THSD4: variants seen among roughly 807,000 people sequenced by gnomAD.
The protein encoded by THSD4 is thrombospondin type 1 domain containing 4.
A neutral mutation model predicts 119.0 loss-of-function variants in THSD4; 69 were observed. The ratio of observed to expected loss-of-function variants is 0.58; its 90% CI spans 0.48 to 0.71. THSD4 has a LOEUF of 0.71. THSD4 is among the 30% of genes least tolerant of loss of function. The pLI, the probability that THSD4 is intolerant of heterozygous loss-of-function variation, is 0.00. For synonymous variants in THSD4, 524 were observed against 540.4 expected (o/e 0.97, Z 0.42); for missense variants, 1,393 against 1,391.1 (o/e 1.00, Z -0.02).
At chr15:71,271,766 ACTATT>A (rs2044533055) in intron 6 of THSD4, among the ~76,000 whole-genome samples, 1 of 152,188 alleles carries the variant, frequency 6.6e-6, no homozygotes, top group Non-Finnish European at 1.5e-5. Flanking sequence ...CACATTGTGA[ACTATT>A]CTAAGGCTTT....
At chr15:71,309,704 T>C (rs2045084625) in intron 6 of THSD4, among the ~76,000 whole-genome samples, 1 of 152,238 alleles carries the variant, frequency 6.6e-6, no homozygotes, top group Non-Finnish European at 1.5e-5. Context: ...TGCATGTGGA[T>C]ATCCAGTTGT....
chr15:71,192,246 G>T (rs1394878061), intron 3 of THSD4, among the ~76,000 whole-genome samples: 1 of 151,390 alleles, frequency 6.6e-6, no homozygotes, highest in Non-Finnish European at 1.5e-5. Flanking sequence ...GCCTTTTTTT[G>T]ATGTGTACTG....
chr15:71,206,865 C>T (rs1293977429), intron 3 of THSD4, among the ~76,000 whole-genome samples: 1 of 152,174 alleles, frequency 6.6e-6, no homozygotes, highest in Admixed American at 6.5e-5. Context: ...AATATTGTAA[C>T]CATGACTGAA....
chr15:71,712,942 T>C (rs1210273615), intron 8 of THSD4, among the ~76,000 whole-genome samples: 1 of 152,164 alleles, frequency 6.6e-6, no homozygotes, highest in Non-Finnish European at 1.5e-5. Context: ...GGAAGGGGAA[T>C]TTTTCAAGGA....
intron 1 of THSD4, among the ~76,000 whole-genome samples, chr15:71,141,065 C>CAGTGCAGT (rs2040599021): frequency 6.6e-6 from 1 of 152,226 alleles, no homozygotes; most frequent in African/African-American, 2.4e-5. Flanking sequence ...AATATTTTTA[C>CAGTGCAGT]TCAACTTGCA....
chr15:71,504,786 T>G (rs550831325), intron 7 of THSD4, among the ~76,000 whole-genome samples: 1 of 152,284 alleles, frequency 6.6e-6, no homozygotes, highest in Non-Finnish European at 1.5e-5. Context: ...TTCTAGACTT[T>G]CTTTGGTTTT....
intron 6 of THSD4, among the ~76,000 whole-genome samples, chr15:71,315,254 G>A (rs1390705823): frequency 6.6e-6 from 1 of 152,214 alleles, no homozygotes; most frequent in East Asian, 1.9e-4. Flanking sequence ...GGCTCTAACT[G>A]TGCAACTGGT....
chr15:71,426,397 G>GTTTGTGTT (rs5813633), intron 7 of THSD4, among the ~76,000 whole-genome samples: 1 of 124,596 alleles, frequency 8.0e-6, no homozygotes, highest in African/African-American at 2.7e-5. Flanking sequence ...GTGTGTGTGT[G>GTTTGTGTT]TGTGTGTGTT....
chr15:71,215,182 C>G lies in THSD4; in HGVS notation c.247C>G (p.Arg83Gly), dbSNP rs772153867. 8.9e-5 allele frequency: 121 copies of G among 1,365,162 alleles called. No homozygotes were observed. Among genetic ancestry groups the G allele is most frequent in the Non-Finnish European group, 1.1e-4 (115 of 1,062,028 alleles). The allele number at this position is 1,365,162 out of a possible 1,614,324, so 84.6% of individuals were successfully genotyped here. A position where few individuals can be genotyped will look rare whatever the true frequency, so the allele number is the denominator to read the frequency against. Residue 83 changes from arginine (R) to glycine (G), a missense_variant, in exon 4 of 18, where the codon CGC becomes GGC. Arg to Gly is a moderately radical substitution (Grantham distance 125). Transcript: ENST00000261862. The part of the protein sequence containing the change: ...VMEQTRPCLP[R>G]SYRLRGGQRP... ...GGAGCAGACGCGGCCCTGCCTGCCCCGCTCCTACCGCCTGCGCGGCGGCCA... is the reference window on the plus strand; with the variant it reads ...GGAGCAGACGCGGCCCTGCCTGCCCGGCTCCTACCGCCTGCGCGGCGGCCA...
chr15:71,254,352 G>T (rs1221458771), intron 5 of THSD4, among the ~76,000 whole-genome samples: 1 of 152,204 alleles, frequency 6.6e-6, no homozygotes, highest in Non-Finnish European at 1.5e-5. Flanking sequence ...AAATGAAAGG[G>T]GTTGGATTTG....
intron 6 of THSD4, among the ~76,000 whole-genome samples, chr15:71,386,727 G>C (rs1191108477): frequency 6.6e-6 from 1 of 152,182 alleles, no homozygotes; most frequent in Admixed American, 6.5e-5. Flanking sequence ...GAGACAAAGA[G>C]AAGACCCCTA....
intron 6 of THSD4, among the ~76,000 whole-genome samples, chr15:71,404,847 C>CTTTCT (rs1265985164): frequency 7.1e-6 from 1 of 141,090 alleles, no homozygotes; most frequent in African/African-American, 2.9e-5. Flanking sequence ...TCTTCTCTTT[C>CTTTCT]TTTCTTTTCT....
chr15:71,452,014 T>G (rs34202695), intron 7 of THSD4, among the ~76,000 whole-genome samples: 39,514 of 152,026 alleles, frequency 0.26, 5,400 homozygotes, highest in South Asian at 0.37. Flanking sequence ...CAGCCTTCCC[T>G]CAGGACCCTC....
chr15:71,573,270 T>C (rs952975140), intron 7 of THSD4, among the ~76,000 whole-genome samples: 3 of 152,136 alleles, frequency 2.0e-5, no homozygotes, highest in South Asian at 2.1e-4. Context: ...CTGGGAAAAG[T>C]TGTTAAACGA....
chr15:71,110,059 A>C (rs1174223862), intron 1 of THSD4, among the ~76,000 whole-genome samples: 5 of 152,202 alleles, frequency 3.3e-5, no homozygotes, highest in South Asian at 2.1e-4. Flanking sequence ...TTTCAAGCAC[A>C]ATGTAAGCTG....
chr15:71,676,651 C>A (rs2051658410), intron 8 of THSD4, among the ~76,000 whole-genome samples: 1 of 152,128 alleles, frequency 6.6e-6, no homozygotes, highest in Admixed American at 6.5e-5. Context: ...TCCTCCAAGC[C>A]CCTGGTAACT....
At chr15:71,148,818 G>A (rs1263287963) in intron 2 of THSD4, among the ~76,000 whole-genome samples, 1 of 152,206 alleles carries the variant, frequency 6.6e-6, no homozygotes, top group African/African-American at 2.4e-5. Flanking sequence ...GACCGCCTGT[G>A]TTAGAAATCA....
chr15:71,475,752 G>T (rs1007729900), intron 7 of THSD4, among the ~76,000 whole-genome samples: 1 of 152,146 alleles, frequency 6.6e-6, no homozygotes, highest in African/African-American at 2.4e-5. Flanking sequence ...ATGAGACTCT[G>T]TCTCTACAAA....
At chr15:71,736,762 A>C (rs1433397016) in intron 10 of THSD4, among the ~76,000 whole-genome samples, 2 of 152,252 alleles carry the variant, frequency 1.3e-5, no homozygotes, top group East Asian at 3.9e-4. Flanking sequence ...CCCTTAATGA[A>C]AGCCTAGGCT....
Sources: gnomAD v4.1 joint callset for allele counts (sites outside exome capture counted in the v4.1 genomes callset) on GRCh38, gnomAD v4.1.1 for gene constraint, MANE v1.5 for transcripts, NCBI Gene and HGNC (gene_info 2026-07-23, HGNC 2026-07-21) for gene names.